Variants in WDR19 observed in about 807,000 individuals in gnomAD.
The protein encoded by WDR19 is WD repeat-containing protein 19.
A neutral mutation model predicts 180.0 loss-of-function variants in WDR19; 121 were observed. The ratio of observed to expected loss-of-function variants is 0.67; its 90% confidence interval spans 0.58 to 0.78. The LOEUF is 0.78. Among genes scored for constraint, WDR19 ranks in the 30% least tolerant of loss-of-function variants. The pLI, the probability that WDR19 is intolerant of heterozygous loss-of-function variation, is 0.00. For missense variants in WDR19, 1,450 were observed against 1,640.7 expected, an observed-to-expected ratio of 0.88 and a Z score of 2.01; for synonymous variants, 497 against 540.7, an observed-to-expected ratio of 0.92 and a Z score of 1.12.
intron 8 of WDR19, 43 bp from the exon 9 acceptor site, chr4:39,205,520 G>A (rs749019587): frequency 6.3e-7 from 1 of 1,578,492 alleles, no homozygotes; most frequent in South Asian, 1.2e-5. Flanking sequence ...GCCACTGATA[G>A]CTAATCTCCT....
chr4:39,203,128 T>G (rs1266721934), intron 6 of WDR19, among the ~76,000 whole-genome samples: 2 of 150,950 alleles, frequency 1.3e-5, no homozygotes, highest in Non-Finnish European at 3.0e-5. Flanking sequence ...TTTTTTTTTT[T>G]TGAGACAGGG....
chr4:39,278,498 TTA>T, intron 35 of WDR19, 39 bp from the exon 36 acceptor site: 1 of 1,501,420 alleles, frequency 6.7e-7, no homozygotes, highest in Non-Finnish European at 9.2e-7. Flanking sequence ...TAAAGGAATG[TTA>T]TATATTTAAT....
intron 24 of WDR19, among the ~76,000 whole-genome samples, chr4:39,250,093 T>C (rs1163856686): frequency 6.6e-6 from 1 of 152,120 alleles, no homozygotes; most frequent in African/African-American, 2.4e-5. Flanking sequence ...GCAAAAATCC[T>C]CAATAAAATA....
At chr4:39,222,676 A>G (rs545607518) in intron 14 of WDR19, among the ~76,000 whole-genome samples, 1 of 152,328 alleles carries the variant, frequency 6.6e-6, no homozygotes, top group African/African-American at 2.4e-5. Context: ...TGCCCTGAAT[A>G]GAAGTCCAAA....
rs566616216 is a variant in WDR19 at position 39,218,093 on chromosome 4, C to A, written c.1467C>A (p.Ile489=). 1 of 1,613,822 alleles carries A rather than the reference C, an allele frequency of 6.2e-7. No individual in the cohort carries two copies. The highest frequency in any genetic ancestry group is 1.7e-5 in the Admixed American group (1 of 60,012). The change falls in exon 14 of 37, where the codon ATC becomes ATA. Residue 489 remains isoleucine, a synonymous_variant. Coordinates refer to ENST00000399820, the MANE Select transcript of WDR19 (RefSeq NM_025132.4). ...ATGCCTTAACTAGTGATTTCCTCAT[C>A]TATGGTACAGATGTATGTATTGCCT... ...LCHALTSDFL[I]YGTDTGVVQY...
chr4:39,240,460 A>T (rs1731816398), intron 21 of WDR19, 126 bp downstream of exon 21: 1 of 433,186 alleles, frequency 2.3e-6, no homozygotes, highest in South Asian at 8.7e-5. Context: ...TCTTTGGTTT[A>T]CTAACAACCT....
chr4:39,220,560 A>ATTTTTTTTTTTTT (rs142037096), intron 14 of WDR19, among the ~76,000 whole-genome samples: 2 of 64,376 alleles, frequency 3.1e-5, no homozygotes, highest in Non-Finnish European at 5.0e-5. Flanking sequence ...GACCTCCTTG[A>ATTTTTTTTTTTTT]TTTTTTTTTT....
chr4:39,256,144 G>A (rs1020073762), intron 27 of WDR19, among the ~76,000 whole-genome samples, 184 bp downstream of exon 27: 3 of 151,888 alleles, frequency 2.0e-5, no homozygotes, highest in Non-Finnish European at 2.9e-5. Context: ...ACCTTCCTTC[G>A]TAATACCTCT....
At chr4:39,273,292 A>C (rs192445223) in intron 32 of WDR19, 1 of 501,430 alleles carries the variant, frequency 2.0e-6, no homozygotes, top group African/African-American at 2.0e-5. Context: ...TTATCACAGC[A>C]AAAGGATCTG....
intron 36 of WDR19, among the ~76,000 whole-genome samples, chr4:39,284,699 T>C (rs917577522): frequency 6.6e-6 from 1 of 150,454 alleles, no homozygotes; most frequent in Non-Finnish European, 1.5e-5. Context: ...ATAACTGTTA[T>C]CTATGGGAAA....
At chr4:39,244,925 C>CT (rs11356985) in intron 23 of WDR19, among the ~76,000 whole-genome samples, 54 of 133,828 alleles carry the variant, frequency 4.0e-4, no homozygotes, top group Middle Eastern at 4.0e-3. Flanking sequence ...GATTTTCTTT[C>CT]TTTTTTTTTT....
chr4:39,237,557 C>A (rs1731506178), intron 20 of WDR19: 1 of 152,062 alleles, frequency 6.6e-6, no homozygotes, highest in Non-Finnish European at 1.5e-5. Context: ...TGGAGCAAGA[C>A]CCTGTCTCAA....
chr4:39,204,119 CT>C (rs1727668495), intron 7 of WDR19, among the ~76,000 whole-genome samples: 1 of 149,920 alleles, frequency 6.7e-6, no homozygotes, highest in African/African-American at 2.5e-5. Context: ...GAGTTTTGCT[CT>C]TTTTATCCAG....
intron 10 of WDR19, among the ~76,000 whole-genome samples, chr4:39,214,891 G>A (rs1728906457): frequency 1.3e-5 from 2 of 151,612 alleles, no homozygotes; most frequent in African/African-American, 2.4e-5. Context: ...TCCTGCCTCA[G>A]CCTCCCAAGT....
chr4:39,242,128 A>G (rs1273403930), intron 21 of WDR19, among the ~76,000 whole-genome samples: 1 of 152,014 alleles, frequency 6.6e-6, no homozygotes, highest in Non-Finnish European at 1.5e-5. Flanking sequence ...GTGCAGTGGA[A>G]GAATCAGCTC....
At chr4:39,268,384 C>T (rs1292632626) in intron 30 of WDR19, among the ~76,000 whole-genome samples, 1 of 152,140 alleles carries the variant, frequency 6.6e-6, no homozygotes, top group Non-Finnish European at 1.5e-5. Flanking sequence ...CCCCTCCAGC[C>T]CACAACCCCC....
intron 32 of WDR19, chr4:39,273,723 A>G (rs1735614884): frequency 6.6e-6 from 1 of 152,234 alleles, no homozygotes; most frequent in South Asian, 2.1e-4. Flanking sequence ...ACACACAAGT[A>G]CTTTTCTGAA....
intron 20 of WDR19, among the ~76,000 whole-genome samples, chr4:39,236,368 GA>G (rs2109382355): frequency 6.6e-6 from 1 of 152,164 alleles, no homozygotes; most frequent in East Asian, 1.9e-4. Context: ...AACATGGGTG[GA>G]ACTGGAGGCC....
chr4:39,272,490 A>C, intron 31 of WDR19, among the ~76,000 whole-genome samples: 2 of 151,444 alleles, frequency 1.3e-5, no homozygotes, highest in East Asian at 1.9e-4. Flanking sequence ...GCCCCTGCTG[A>C]CTCTCGAGGC....
Sources: allele counts gnomAD v4.1 joint callset (sites outside exome capture counted in the v4.1 genomes callset), GRCh38; gene constraint gnomAD v4.1.1; transcripts MANE v1.5; gene names NCBI Gene and HGNC (gene_info 2026-07-23, HGNC 2026-07-21).